The following ELMO1 variants were observed in gnomAD, a reference collection of about 807,000 sequenced individuals.
ELMO1 encodes the protein engulfment and cell motility 1, also known as engulfment and cell motility protein 1.
ELMO1 carries 26 observed loss-of-function variants against 98.9 expected under a neutral mutation model. That is an observed-to-expected ratio of 0.26 (90% CI 0.19 to 0.36). The LOEUF is 0.36. ELMO1 is among the 10% of genes least tolerant of loss of function. The pLI is 1.00. For missense variants in ELMO1, 627 were observed against 935.2 expected (o/e 0.67, Z 4.30); for synonymous variants, 346 against 346.0 (o/e 1.00, Z 0.00).
At chr7:36,856,818 G>A (rs1301806009) in intron 21 of ELMO1, among the ~76,000 whole-genome samples, 1 of 152,202 alleles carries the variant, frequency 6.6e-6, no homozygotes, top group Non-Finnish European at 1.5e-5. Context: ...TTCTATAACA[G>A]CAATTGTTCT....
chr7:36,911,470 C>G (rs1182104123), intron 16 of ELMO1, among the ~76,000 whole-genome samples: 1 of 152,160 alleles, frequency 6.6e-6, no homozygotes, highest in Non-Finnish European at 1.5e-5. Flanking sequence ...AATGCTTGCT[C>G]TTTTGGCATA....
rs79932854 is a variant in ELMO1, at chr7:37,376,497, G to T, written c.-73-33734C>A. Among the ~76,000 whole-genome samples the T allele has an allele frequency of 2.2e-3, 341 of 152,220 alleles. 4 individuals carry two copies. Among genetic ancestry groups the T allele is most frequent in the African/African-American group, 8.0e-3 (334 of 41,528 alleles). ...AACCTAAGATTGGTCTTTGAGATAC[G>T]TTTCAGATTTTTTGCATTCTGGTGA... is the stretch of plus-strand genomic sequence containing the variant. On this transcript the variant is annotated intron_variant, in intron 1 of 21. Transcript: ENST00000310758.
chr7:36,941,771 T>C (rs1787059315), intron 16 of ELMO1, among the ~76,000 whole-genome samples: 1 of 152,238 alleles, frequency 6.6e-6, no homozygotes. Context: ...TTCAAAGGAT[T>C]GAACTCATCT....
intron 16 of ELMO1, among the ~76,000 whole-genome samples, chr7:36,960,247 C>G (rs1185661240): frequency 4.6e-5 from 7 of 152,168 alleles, no homozygotes; most frequent in Non-Finnish European, 1.0e-4. Flanking sequence ...AATTGGTCTA[C>G]TGTCAGTTGA....
chr7:37,148,191 T>TA (rs1313795651), intron 13 of ELMO1, among the ~76,000 whole-genome samples: 1 of 152,212 alleles, frequency 6.6e-6, no homozygotes, highest in Non-Finnish European at 1.5e-5. Flanking sequence ...ACAGAAATGA[T>TA]ACATTTCATC....
At chr7:37,113,065 T>C (rs1008518737) in intron 14 of ELMO1, among the ~76,000 whole-genome samples, 1 of 152,216 alleles carries the variant, frequency 6.6e-6, no homozygotes, top group African/African-American at 2.4e-5. Flanking sequence ...ACCGATATAG[T>C]TTCTAATTTG....
intron 15 of ELMO1, among the ~76,000 whole-genome samples, chr7:37,020,926 C>A (rs1794229987): frequency 6.6e-6 from 1 of 152,138 alleles, no homozygotes; most frequent in East Asian, 1.9e-4. Context: ...GCCTGGTGAT[C>A]CACAGCACAG....
intron 7 of ELMO1, among the ~76,000 whole-genome samples, chr7:37,233,631 T>G (rs746455856): frequency 1.3e-5 from 2 of 152,214 alleles, no homozygotes; most frequent in African/African-American, 4.8e-5. Flanking sequence ...CTAATGAAAT[T>G]TGGAGCTGCT....
At chr7:37,138,060 C>T (rs919644629) in intron 13 of ELMO1, among the ~76,000 whole-genome samples, 7 of 152,008 alleles carry the variant, frequency 4.6e-5, no homozygotes, top group African/African-American at 1.7e-4. Flanking sequence ...CCTATCAAAA[C>T]CTCTGGGATA....
At chr7:37,376,200 C>T (rs1802338105) in intron 1 of ELMO1, among the ~76,000 whole-genome samples, 1 of 152,156 alleles carries the variant, frequency 6.6e-6, no homozygotes, top group Non-Finnish European at 1.5e-5. Context: ...ACCTAGTGCC[C>T]ACTGTTTTTA....
At position 37,342,753 on chromosome 7, in the gene ELMO1, C is replaced by T. The variant is rs1042796396; in HGVS notation, c.-63G>A. ...GGATCCTACAGCGTAAACGGCCACA[C>T]GTGTCTATACCTAATGAGGAATGAC... On this transcript the variant is annotated 5_prime_UTR_variant, in exon 2 of 22. In the 5' UTR this introduces an upstream ATG that the reference lacks. Transcript: ENST00000310758. This position sits in a 1 kb window ranked among gnomAD's most constrained non-coding sequence, Gnocchi z 4.3. The T allele has an allele frequency of 2.0e-5, 28 of 1,388,368 alleles. No homozygotes were observed. The highest frequency in any genetic ancestry group is 9.0e-5 in the South Asian group (7 of 77,978). 86.0% of individuals were successfully genotyped at this position (1,388,368 alleles called of 1,614,324 possible).
chr7:37,250,756 C>A (rs577990173), intron 6 of ELMO1, among the ~76,000 whole-genome samples: 1 of 144,016 alleles, frequency 6.9e-6, no homozygotes, highest in African/African-American at 2.6e-5. Context: ...TGCGCCATTG[C>A]ACTCCAGCCT....
chr7:37,375,766 T>C, intron 1 of ELMO1: 2 of 1,057,054 alleles, frequency 1.9e-6, no homozygotes, highest in South Asian at 2.6e-5. Context: ...TCTCAGTGAT[T>C]ACCTTCATCT....
Position 36,870,609 on chromosome 7 carries a change from G to C in ELMO1, c.1823-134C>G, listed in dbSNP as rs1803425238. 3.7e-6 allele frequency: 3 copies of C among 806,576 alleles called. No homozygotes were observed. The highest frequency in any genetic ancestry group is 3.8e-6 in the Non-Finnish European group (2 of 529,838). 50.0% of individuals were successfully genotyped at this position (806,576 alleles called of 1,614,324 possible). ...AAACTACTGCAAAAAGAAGAGTGTT[G>C]AAAAGAGGAAGAGAAGCCAGGTAGT... On this transcript the variant is annotated intron_variant, in intron 19 of 21. Coordinates refer to ENST00000310758, the MANE Select transcript of ELMO1 (RefSeq NM_014800.11). This position sits in a 1 kb window ranked among gnomAD's most constrained non-coding sequence, Gnocchi z 4.4.
At chr7:37,269,338 A>T (rs905367399) in intron 5 of ELMO1, 1 of 151,898 alleles carries the variant, frequency 6.6e-6, no homozygotes, top group Admixed American at 6.6e-5. Context: ...GGCCCCAGAC[A>T]TCAGCATTTT....
In ELMO1 at chr7:37,018,588, T is replaced by C. The variant is rs148629793; in HGVS notation, c.1301-5153A>G. Among the ~76,000 whole-genome samples, 1,296 of 152,274 alleles carry C rather than the reference T, an allele frequency of 8.5e-3. 9 individuals are homozygous for C. The highest frequency in any genetic ancestry group is 0.017 in the Middle Eastern group (5 of 294). On this transcript the variant is annotated intron_variant, in intron 15 of 21. Coordinates refer to ENST00000310758, the MANE Select transcript of ELMO1 (RefSeq NM_014800.11). ...TCCTCCTGGGTTCCAGCGATTCTCC[T>C]GCCTCAGCCTCCCAAATAGCTGGGA...
At chr7:37,334,961 T>C (rs1800318609) in intron 2 of ELMO1, among the ~76,000 whole-genome samples, 1 of 152,198 alleles carries the variant, frequency 6.6e-6, no homozygotes, top group South Asian at 2.1e-4. Flanking sequence ...TTTATTCTTA[T>C]CTTCACTGTT....
chr7:37,413,120 T>C (rs1357647840), intron 1 of ELMO1, among the ~76,000 whole-genome samples: 1 of 139,418 alleles, frequency 7.2e-6, no homozygotes. Context: ...GAGACATAAC[T>C]TGACCAAATT....
chr7:37,317,714 T>A (rs1376257735), intron 2 of ELMO1, among the ~76,000 whole-genome samples: 1 of 152,040 alleles, frequency 6.6e-6, no homozygotes, highest in Admixed American at 6.6e-5. Flanking sequence ...TGGGGATGGT[T>A]AATGAGTTCC....
Sources: gnomAD v4.1 joint callset for allele counts (sites outside exome capture counted in the v4.1 genomes callset) on GRCh38, gnomAD v4.1.1 for gene constraint, Gnocchi (gnomAD v3.1) non-coding constraint, MANE v1.5 for transcripts, NCBI Gene and HGNC (gene_info 2026-07-23, HGNC 2026-07-21) for gene names.